PREX1: variants seen among roughly 807,000 people sequenced by gnomAD.
The protein encoded by PREX1 is phosphatidylinositol-3,4,5-trisphosphate dependent Rac exchange factor 1, also known as phosphatidylinositol 3,4,5-trisphosphate-dependent Rac exchanger 1 protein.
Under a neutral mutation model 198.3 loss-of-function variants are expected in PREX1, and 41 were observed. That is an observed-to-expected ratio of 0.21 (90% CI 0.16 to 0.27). PREX1 has a LOEUF of 0.27. Ranked by LOEUF, PREX1 falls within the 10% of genes least tolerant of loss-of-function variation. The probability of loss-of-function intolerance (pLI) is 1.00; values close to 1 mark genes in which losing one functional copy is unlikely to be tolerated. For synonymous variants in PREX1, 843 were observed against 887.2 expected, an observed-to-expected ratio of 0.95 and a Z score of 0.89; for missense variants, 1,620 against 2,200.7, an observed-to-expected ratio of 0.74 and a Z score of 5.28.
At chr20:48,867,486 C>A in the PREX1 span, among the ~76,000 whole-genome samples, 3 of 152,228 alleles carry the variant, frequency 2.0e-5, no homozygotes, top group African/African-American at 7.2e-5. Flanking sequence ...CCAAGCTGGG[C>A]GGATGAGAAT....
chr20:48,700,636 T>C (rs2089868905), intron 7 of PREX1, 117 bp downstream of exon 7: 5 of 1,391,576 alleles, frequency 3.6e-6, no homozygotes, highest in Admixed American at 1.8e-5. Context: ...AGCACTGATG[T>C]AGAACAAACC....
chr20:48,804,383 T>C (rs1203246568), intron 1 of PREX1, among the ~76,000 whole-genome samples: 3 of 151,906 alleles, frequency 2.0e-5, no homozygotes, highest in African/African-American at 7.3e-5. Flanking sequence ...TGACTTTCGA[T>C]GGGAGGCCAG....
Position 48,653,492 on chromosome 20 carries a change from C to T in PREX1, c.2215G>A (p.Glu739Lys), listed in dbSNP as rs1568804889. 1.2e-6 allele frequency: 2 copies of T among 1,610,496 alleles called. No homozygotes were observed. The highest frequency in any genetic ancestry group is 1.1e-5 in the South Asian group (1 of 91,036). ...GCACAGAGCCCTGCAGCCATGGCCTCAGAGCCTAAGGGGAACAGGAGCACA... is the reference window on the plus strand; with the variant it reads ...GCACAGAGCCCTGCAGCCATGGCCTTAGAGCCTAAGGGGAACAGGAGCACA... ...PYVYAVGRGS[E>K]AMAAGLCAGQ... The change falls in exon 20 of 40, where the codon GAG becomes AAG. Residue 739 changes from glutamate (E) to lysine (K), a missense_variant. Transcript: ENST00000371941.
intron 1 of PREX1, among the ~76,000 whole-genome samples, chr20:48,765,239 A>G (rs2090203211): frequency 6.6e-6 from 1 of 152,212 alleles, no homozygotes; most frequent in African/African-American, 2.4e-5. Context: ...ATTGTTTGGC[A>G]TATGTTTAGT....
chr20:48,690,246 G>A (rs887139373), intron 9 of PREX1, among the ~76,000 whole-genome samples: 4 of 152,170 alleles, frequency 2.6e-5, no homozygotes, highest in African/African-American at 9.7e-5. Flanking sequence ...AAACTGGGAG[G>A]TGGGGAGGGT....
chr20:48,860,107 A>T, the PREX1 span, among the ~76,000 whole-genome samples: 1 of 152,272 alleles, frequency 6.6e-6, no homozygotes, highest in Non-Finnish European at 1.5e-5. Context: ...CACAATAGCC[A>T]AAAGCTGGAA....
At chr20:48,726,196 T>C in intron 5 of PREX1, 94 bp downstream of exon 5, 2 of 1,051,168 alleles carry the variant, frequency 1.9e-6, no homozygotes, top group Admixed American at 2.0e-5. Context: ...AAGCTGACAC[T>C]GCTGCTAGAC....
In PREX1 at chr20:48,658,119, T is replaced by TCCCCCGAGGGCCTCACCTCAGCCAGC; in HGVS notation, c.1965_1974+16dup. The TCCCCCGAGGGCCTCACCTCAGCCAGC allele has an allele frequency of 6.2e-7, 1 of 1,608,008 alleles. No homozygotes were observed. The highest frequency in any genetic ancestry group is 8.5e-7 in the Non-Finnish European group (1 of 1,176,800). On this transcript the variant is annotated intron_variant, in intron 17 of 39. Coordinates refer to ENST00000371941, the MANE Select transcript of PREX1 (RefSeq NM_020820.4). ...CCACCTGCACACGGTCCCTGCCAGCTCCCCCGAGGGCCTCACCTCAGCCAG... is the reference window on the plus strand; with the variant it reads ...CCACCTGCACACGGTCCCTGCCAGCTCCCCCGAGGGCCTCACCTCAGCCAGCCCCCCGAGGGCCTCACCTCAGCCAG...
At chr20:48,815,895 C>T (rs941777838) in intron 1 of PREX1, among the ~76,000 whole-genome samples, 7 of 151,956 alleles carry the variant, frequency 4.6e-5, no homozygotes, top group African/African-American at 1.2e-4. Flanking sequence ...CTGTAATCCC[C>T]GCTACTCGGG....
At chr20:48,661,165 TC>T (rs1450929327) in intron 15 of PREX1, among the ~76,000 whole-genome samples, 1 of 151,872 alleles carries the variant, frequency 6.6e-6, no homozygotes, top group Non-Finnish European at 1.5e-5. Flanking sequence ...CCGCCTGTAA[TC>T]CCAGCACTTT....
At chr20:48,688,955 A>G (rs1304460403) in intron 9 of PREX1, 151 bp from the exon 10 acceptor site, 11 of 895,826 alleles carry the variant, frequency 1.2e-5, no homozygotes, top group Non-Finnish European at 1.9e-5. Context: ...AGCAGCAGCT[A>G]GAGGGCACTG....
intron 35 of PREX1, among the ~76,000 whole-genome samples, chr20:48,631,662 C>T (rs540845532): frequency 6.6e-4 from 101 of 152,308 alleles, no homozygotes; most frequent in African/African-American, 2.3e-3. Flanking sequence ...GAAGCCCAGA[C>T]CCGTACTCAT....
intron 1 of PREX1, among the ~76,000 whole-genome samples, chr20:48,805,454 C>A (rs1319180718): frequency 6.6e-6 from 1 of 152,230 alleles, no homozygotes; most frequent in Non-Finnish European, 1.5e-5. Flanking sequence ...ACAGAGAGAC[C>A]CCCTCCACCC....
intron 7 of PREX1, 45 bp downstream of exon 7, chr20:48,700,708 A>G: frequency 6.2e-7 from 1 of 1,606,686 alleles, no homozygotes; most frequent in South Asian, 1.1e-5. Context: ...CATCACCTGG[A>G]GAAGGCAGCA....
chr20:48,747,138 G>C (rs1414263909), intron 2 of PREX1, among the ~76,000 whole-genome samples: 1 of 152,196 alleles, frequency 6.6e-6, no homozygotes, highest in Non-Finnish European at 1.5e-5. Context: ...AGATTAATCA[G>C]GGCGTTTGGG....
chr20:48,690,978 A>G lies in PREX1; in HGVS notation c.1155T>C (p.Asp385=). 6.2e-7 allele frequency: 1 copy of G among 1,614,208 alleles called. No homozygotes were observed. Among genetic ancestry groups the G allele is most frequent in the Non-Finnish European group, 8.5e-7 (1 of 1,180,052 alleles). The change falls in exon 9 of 40, where the codon GAT becomes GAC. Residue 385 remains aspartate, a synonymous_variant. Transcript: ENST00000371941. ...KTAEEKQKWL[D]AIIREREQRE... ...GCTGCTCCCGCTCGCGGATGATGGCATCCAGCCACTTCTGCTTCTCCTCTG... is the reference window on the plus strand; with the variant it reads ...GCTGCTCCCGCTCGCGGATGATGGCGTCCAGCCACTTCTGCTTCTCCTCTG...
At chr20:48,722,134 A>C (rs2089989040) in intron 5 of PREX1, among the ~76,000 whole-genome samples, 2 of 152,216 alleles carry the variant, frequency 1.3e-5, no homozygotes, top group South Asian at 4.1e-4. Context: ...GGCCATGGGA[A>C]TGTCCACACA....
Position 48,658,226 on chromosome 20 carries a change from G to A in PREX1, c.1884C>T (p.Ile628=). 6.2e-7 allele frequency: 1 copy of A among 1,614,044 alleles called. No individual in the cohort carries two copies. Among genetic ancestry groups the A allele is most frequent in the Non-Finnish European group, 8.5e-7 (1 of 1,179,954 alleles). ...AGCCATAGTCCTCCTCCTGGGGCAG[G>A]ATCTGGGGGCCCAGGGCAGAAGGAA... ...VENILAKRLL[I]LPQEEDYGFD... Residue 628 remains isoleucine, a splice_region_variant and synonymous_variant, in exon 17 of 40, where the codon ATC becomes ATT. Coordinates refer to ENST00000371941, the MANE Select transcript of PREX1 (RefSeq NM_020820.4).
intron 1 of PREX1, among the ~76,000 whole-genome samples, chr20:48,826,053 C>T (rs898224213): frequency 1.3e-5 from 2 of 152,026 alleles, no homozygotes; most frequent in Non-Finnish European, 2.9e-5. Context: ...CTAAGGCTGT[C>T]TCCTCCCTGA....
Sources: gnomAD v4.1 joint callset for allele counts (sites outside exome capture counted in the v4.1 genomes callset) on GRCh38, gnomAD v4.1.1 for gene constraint, MANE v1.5 for transcripts, NCBI Gene and HGNC (gene_info 2026-07-23, HGNC 2026-07-21) for gene names.